The following MEIKIN variants were observed in gnomAD, a reference collection of about 807,000 sequenced individuals.
MEIKIN encodes the protein meiotic kinetochore factor, also known as meiosis-specific kinetochore protein.
chr5:131,926,119 G>A (rs771879045), intron 5 of MEIKIN, among the ~76,000 whole-genome samples: 3 of 152,134 alleles, frequency 2.0e-5, no homozygotes, highest in Non-Finnish European at 2.9e-5. Context: ...CATACTTCCT[G>A]ATCTTAGAGG....
At chr5:131,847,043 G>C (rs1233111827) in intron 11 of MEIKIN, among the ~76,000 whole-genome samples, 1 of 151,858 alleles carries the variant, frequency 6.6e-6, no homozygotes, top group African/African-American at 2.4e-5. Flanking sequence ...AAAGAAAATA[G>C]CTATAGAATA....
intron 5 of MEIKIN, among the ~76,000 whole-genome samples, chr5:131,929,083 G>A (rs554886583): frequency 1.2e-4 from 19 of 152,232 alleles, no homozygotes; most frequent in African/African-American, 3.6e-4. Flanking sequence ...TACTGTTGTT[G>A]GTTGATAATT....
chr5:131,816,053 G>C (rs929549798), intron 12 of MEIKIN, among the ~76,000 whole-genome samples: 39 of 152,206 alleles, frequency 2.6e-4, no homozygotes, highest in Non-Finnish European at 1.5e-4. Flanking sequence ...AGGATAGCAA[G>C]AAGAAGGGTG....
At chr5:131,916,320 C>T (rs1448995471) in intron 7 of MEIKIN, among the ~76,000 whole-genome samples, 5 of 152,188 alleles carry the variant, frequency 3.3e-5, no homozygotes, top group African/African-American at 1.2e-4. Flanking sequence ...AAATTTCTCA[C>T]CATTTAGATA....
chr5:131,939,184 A>T (rs1360831937), intron 4 of MEIKIN, among the ~76,000 whole-genome samples: 1 of 152,218 alleles, frequency 6.6e-6, no homozygotes, highest in Non-Finnish European at 1.5e-5. Context: ...GGTGGGAAGA[A>T]GCATAGTTGC....
intron 11 of MEIKIN, among the ~76,000 whole-genome samples, chr5:131,841,062 T>A (rs1170981134): frequency 5.3e-5 from 8 of 152,148 alleles, no homozygotes; most frequent in African/African-American, 1.4e-4. Context: ...TTGATTGTGG[T>A]ATAATGTGAG....
intron 11 of MEIKIN, among the ~76,000 whole-genome samples, chr5:131,824,263 C>T (rs1235178028): frequency 6.6e-6 from 1 of 151,982 alleles, no homozygotes; most frequent in Non-Finnish European, 1.5e-5. Flanking sequence ...ACTTGTAATC[C>T]CAGCACTTTG....
At chr5:131,929,080 G>C (rs1168937995) in intron 5 of MEIKIN, among the ~76,000 whole-genome samples, 4 of 152,140 alleles carry the variant, frequency 2.6e-5, no homozygotes, top group Non-Finnish European at 2.9e-5. Flanking sequence ...GTGTACTGTT[G>C]TTGGTTGATA....
At chr5:131,816,716 T>A (rs565211637) in intron 12 of MEIKIN, among the ~76,000 whole-genome samples, 1 of 152,354 alleles carries the variant, frequency 6.6e-6, no homozygotes, top group African/African-American at 2.4e-5. Context: ...AAATACAGGA[T>A]CTTGCTATTC....
At chr5:131,814,513 G>A (rs1029120229) in intron 12 of MEIKIN, among the ~76,000 whole-genome samples, 4 of 151,916 alleles carry the variant, frequency 2.6e-5, no homozygotes, top group Non-Finnish European at 5.9e-5. Context: ...TTGGGCTCAA[G>A]CGATCCACTC....
chr5:131,822,559 AAAT>A lies in MEIKIN; in HGVS notation c.976-3699_976-3697del, dbSNP rs1210212999. ...TAACACTGCTTTCATAAACATTCAAAAATAATATTAAAACTCTATAACTTTGTC... is the reference window on the plus strand; with the variant it reads ...TAACACTGCTTTCATAAACATTCAAAAATATTAAAACTCTATAACTTTGTC... On this transcript the variant is annotated intron_variant, in intron 11 of 12. Transcript: ENST00000442687. Among the ~76,000 whole-genome samples the A allele has an allele frequency of 5.3e-5, 8 of 152,286 alleles. No individual in the cohort carries two copies. In the East Asian group the frequency reaches 1.5e-3, roughly 29 times the overall value.
intron 9 of MEIKIN, among the ~76,000 whole-genome samples, chr5:131,863,055 T>C (rs1750314690): frequency 6.6e-6 from 1 of 152,198 alleles, no homozygotes; most frequent in East Asian, 1.9e-4. Context: ...CAATGATCAT[T>C]CAGCGGCATC....
chr5:131,898,732 G>A (rs772481871), intron 8 of MEIKIN, among the ~76,000 whole-genome samples: 5 of 152,248 alleles, frequency 3.3e-5, no homozygotes, highest in African/African-American at 4.8e-5. Flanking sequence ...CCCCGTGAGC[G>A]AGGCACGGGA....
intron 8 of MEIKIN, among the ~76,000 whole-genome samples, chr5:131,884,073 T>G (rs1270111604): frequency 1.3e-5 from 2 of 151,540 alleles, no homozygotes; most frequent in Non-Finnish European, 2.9e-5. Context: ...CTAAATAAAC[T>G]TGAAAGTCTA....
At position 131,916,952 on chromosome 5, in the gene MEIKIN, T is replaced by C. The variant is rs918782821; in HGVS notation, c.599-27A>G. The stretch of plus-strand genomic sequence containing the variant: ...TAGGAGAGAAAATAAAAACAATCTA[T>C]TAGAAATATAATTCGAAGGCAAAAA... On this transcript the variant is annotated intron_variant, in intron 6 of 12. Coordinates refer to ENST00000442687, the MANE Select transcript of MEIKIN (RefSeq NM_001303622.2). 3.8e-5 allele frequency: 15 copies of C among 396,716 alleles called. No homozygotes were observed. The Admixed American group carries it at 5.7e-4, about 15-fold the overall frequency. The allele number at this position is 396,716 out of a possible 1,614,324, so 24.6% of individuals were successfully genotyped here.
intron 5 of MEIKIN, among the ~76,000 whole-genome samples, chr5:131,922,703 C>T (rs1052864132): frequency 9.9e-5 from 15 of 152,246 alleles, no homozygotes; most frequent in African/African-American, 3.6e-4. Context: ...ATTCGCCCAT[C>T]CCCACCTTTC....
chr5:131,885,423 G>A (rs965691042), intron 8 of MEIKIN, among the ~76,000 whole-genome samples: 1 of 103,798 alleles, frequency 9.6e-6, no homozygotes, highest in African/African-American at 3.9e-5. Context: ...GAGAGAGAGA[G>A]ATTGAGATTG....
Position 131,916,894 on chromosome 5 carries a change from A to G in MEIKIN, c.630T>C (p.His210=), listed in dbSNP as rs1000886538. 5.0e-6 allele frequency: 2 copies of G among 397,338 alleles called. No individual in the cohort carries two copies. The highest frequency in any genetic ancestry group is 8.9e-6 in the Non-Finnish European group (2 of 225,200). 24.6% of individuals were successfully genotyped at this position (397,338 alleles called of 1,614,324 possible). The change falls in exon 7 of 13, where the codon CAT becomes CAC. Residue 210 remains histidine, a synonymous_variant. Transcript: ENST00000442687. The stretch of plus-strand genomic sequence containing the variant: ...AAATTTTTAGTTCTTACGTTTTTCT[A>G]TGGCATTTCTGATAGTCTTCTGAAG... ...STSSEDYQKC[H]RKTVMTVADQ... is the part of the protein sequence containing the mutation.
chr5:131,888,634 C>T (rs1329550561), intron 8 of MEIKIN, among the ~76,000 whole-genome samples: 1 of 152,026 alleles, frequency 6.6e-6, no homozygotes, highest in African/African-American at 2.4e-5. Context: ...GAGTAGATTG[C>T]AAAACTTTTC....
Sources: gnomAD v4.1 joint callset for allele counts (sites outside exome capture counted in the v4.1 genomes callset) on GRCh38, gnomAD v4.1.1 for gene constraint, MANE v1.5 for transcripts, NCBI Gene and HGNC (gene_info 2026-07-23, HGNC 2026-07-21) for gene names.